Variants in SATL1 observed in about 807,000 individuals in gnomAD.
The protein encoded by SATL1 is spermidine/spermine N1-acetyl transferase like 1, also known as spermidine/spermine N(1)-acetyltransferase-like protein 1.
A neutral mutation model predicts 51.8 loss-of-function variants in SATL1; 47 were observed. The observed-to-expected ratio is 0.91, with a 90% confidence interval of 0.72 to 1.16. The LOEUF is 1.16. SATL1 is among the 50% of genes most tolerant of loss of function. The pLI is 0.00. For synonymous variants in SATL1, 176 were observed against 182.4 expected (o/e 0.97, Z 0.28); for missense variants, 520 against 526.4 (o/e 0.99, Z 0.12).
chrX:85,142,283 C>A (rs1926127182), intron 2 of SATL1, among the ~76,000 whole-genome samples: 1 of 105,252 alleles, frequency 9.5e-6, no homozygotes, highest in Admixed American at 1.0e-4. Context: ...GTAGTCCCAG[C>A]TACTCAGGAG....
chrX:85,192,536 C>T (rs904746165), intron 2 of SATL1, among the ~76,000 whole-genome samples: 3 of 110,717 alleles, frequency 2.7e-5, no homozygotes, highest in African/African-American at 9.8e-5. Flanking sequence ...TCTTTGTCCC[C>T]TACTCCCACA....
chrX:85,216,765 G>A (rs181594732), intron 2 of SATL1, among the ~76,000 whole-genome samples: 1 of 111,919 alleles, frequency 8.9e-6, no homozygotes, highest in East Asian at 2.8e-4. Context: ...CCAGATGCAA[G>A]TCACAGGTTC....
intron 2 of SATL1, chrX:85,117,171 G>T (rs375436345): frequency 1.8e-5 from 2 of 111,748 alleles, no homozygotes; most frequent in African/African-American, 3.3e-5. Flanking sequence ...AGGTCAAACC[G>T]TGTGCTTTAT....
chrX:85,196,124 A>G (rs1437079710), intron 2 of SATL1, among the ~76,000 whole-genome samples: 1 of 110,470 alleles, frequency 9.1e-6, no homozygotes, highest in Non-Finnish European at 1.9e-5. Flanking sequence ...ATACAAAAAT[A>G]AATTTTATTT....
At chrX:85,237,612 T>G (rs1301858712) in intron 1 of SATL1, among the ~76,000 whole-genome samples, 3 of 111,565 alleles carry the variant, frequency 2.7e-5, no homozygotes, top group Non-Finnish European at 1.9e-5. Flanking sequence ...AATAAACTAC[T>G]AATAGAAAAC....
intron 1 of SATL1, 63 bp from the exon 2 acceptor site, chrX:85,224,389 T>C (rs58851097): frequency 0.13 from 14,253 of 110,747 alleles, 713 homozygotes; most frequent in South Asian, 0.17. Context: ...AAGTAATGTT[T>C]ACAGATCCCA....
Position 85,145,892 on chromosome X carries a change from G to C in SATL1, c.-312-36612C>G, listed in dbSNP as rs1239323027. ...CCACATTCACATAACATTTATTACAGTATATTCTTTTTTTTTTTTTTTGAG... is the reference window on the plus strand; with the variant it reads ...CCACATTCACATAACATTTATTACACTATATTCTTTTTTTTTTTTTTTGAG... On this transcript the variant is annotated intron_variant, in intron 2 of 7. Coordinates refer to ENST00000644105, the MANE Select transcript of SATL1 (RefSeq NM_001367857.2). Among the ~76,000 whole-genome samples, 3 of 93,029 alleles carry C rather than the reference G, an allele frequency of 3.2e-5. No homozygotes were observed. In the Admixed American group the frequency reaches 4.1e-4, roughly 13 times the overall value. The allele number at this position is 93,029 out of a possible 115,157, so 80.8% of individuals were successfully genotyped here.
chrX:85,198,697 G>A (rs1927627360), intron 2 of SATL1, among the ~76,000 whole-genome samples: 2 of 111,005 alleles, frequency 1.8e-5, no homozygotes, highest in Admixed American at 1.9e-4. Context: ...ATCACATCAT[G>A]TAAAAATGGG....
chrX:85,219,214 T>C (rs1470418771), intron 2 of SATL1: 1 of 112,172 alleles, frequency 8.9e-6, no homozygotes, highest in East Asian at 2.8e-4. Flanking sequence ...AACACATATA[T>C]GTGTACTATA....
At chrX:85,112,617 C>T (rs777735937) in intron 2 of SATL1, among the ~76,000 whole-genome samples, 1 of 111,339 alleles carries the variant, frequency 9.0e-6, no homozygotes, top group Admixed American at 9.5e-5. Context: ...TTGAGGCATT[C>T]TTCCCTTACC....
chrX:85,134,189 TGTGTGTGTGTATA>T (rs1925891143), intron 2 of SATL1, among the ~76,000 whole-genome samples: 1 of 111,049 alleles, frequency 9.0e-6, no homozygotes, highest in Admixed American at 9.6e-5. Flanking sequence ...GTGTATAGTG[TGTGTGTGTGTATA>T]GTGTGTGTGT....
At chrX:85,107,145 A>C (rs1925065199) in intron 3 of SATL1, among the ~76,000 whole-genome samples, 183 bp downstream of exon 3, 1 of 111,683 alleles carries the variant, frequency 9.0e-6, no homozygotes, top group Admixed American at 9.6e-5. Flanking sequence ...CAATCTTTTG[A>C]GATATATATT....
chrX:85,218,452 G>A (rs1488392366), intron 2 of SATL1, among the ~76,000 whole-genome samples: 1 of 111,298 alleles, frequency 9.0e-6, no homozygotes, highest in Non-Finnish European at 1.9e-5. Flanking sequence ...TTGCCAAAAA[G>A]TAACATGTTA....
intron 2 of SATL1, among the ~76,000 whole-genome samples, chrX:85,171,707 T>C (rs917851483): frequency 9.0e-6 from 1 of 111,555 alleles, no homozygotes; most frequent in African/African-American, 3.2e-5. Flanking sequence ...GAACTATATA[T>C]AGCAACAAAT....
intron 2 of SATL1, among the ~76,000 whole-genome samples, chrX:85,169,432 A>C (rs895394750): frequency 8.9e-6 from 1 of 111,745 alleles, no homozygotes; most frequent in African/African-American, 3.2e-5. Flanking sequence ...AGAAAAAAAA[A>C]CAAGCAATCC....
intron 3 of SATL1, among the ~76,000 whole-genome samples, chrX:85,106,923 A>G (rs1017138367): frequency 9.0e-6 from 1 of 111,516 alleles, no homozygotes; most frequent in African/African-American, 3.3e-5. Flanking sequence ...CCTAGCCACT[A>G]AAATATGAAA....
chrX:85,166,004 C>T (rs1926826560), intron 2 of SATL1, among the ~76,000 whole-genome samples: 1 of 111,206 alleles, frequency 9.0e-6, no homozygotes, highest in Non-Finnish European at 1.9e-5. Flanking sequence ...TTCAACAAGA[C>T]ATACAAAAAC....
At position 85,116,425 on chromosome X, in the gene SATL1, T is replaced by C. The variant is rs368466480; in HGVS notation, c.-312-7145A>G. Among the ~76,000 whole-genome samples, 16 of 112,036 alleles carry C rather than the reference T, an allele frequency of 1.4e-4. No individual in the cohort carries two copies. In the East Asian group the frequency reaches 2.3e-3, roughly 16 times the overall value. On this transcript the variant is annotated intron_variant, in intron 2 of 7. Transcript: ENST00000644105. Reference sequence around the variant, plus strand: ...ATATGTTGGCATACTTCTGAGGTCTTGTGACCCTTCTCCCATGACTCTTCC... The same window carrying C: ...ATATGTTGGCATACTTCTGAGGTCTCGTGACCCTTCTCCCATGACTCTTCC...
At chrX:85,158,076 A>T (rs1489697160) in intron 2 of SATL1, among the ~76,000 whole-genome samples, 2 of 111,598 alleles carry the variant, frequency 1.8e-5, no homozygotes, top group Non-Finnish European at 3.8e-5. Context: ...GCAAGTAATG[A>T]CTTCTCAGAA....
Sources: gnomAD v4.1 joint callset for allele counts (sites outside exome capture counted in the v4.1 genomes callset) on GRCh38, gnomAD v4.1.1 for gene constraint, MANE v1.5 for transcripts, NCBI Gene and HGNC (gene_info 2026-07-23, HGNC 2026-07-21) for gene names.